RETREG3: variants seen among roughly 807,000 people sequenced by gnomAD.
RETREG3 encodes reticulophagy regulator 3.
In RETREG3, 23 loss-of-function variants were observed where a neutral mutation model predicts 50.2. The observed-to-expected ratio is 0.46, with a 90% CI of 0.33 to 0.65. The LOEUF is 0.65. Among genes scored for constraint, RETREG3 ranks in the 30% least tolerant of loss-of-function variants. The probability of loss-of-function intolerance (pLI) is 0.02; values close to 1 mark genes in which losing one functional copy is unlikely to be tolerated. For synonymous variants in RETREG3, 240 were observed against 234.4 expected, an observed-to-expected ratio of 1.02 and a Z score of -0.22; for missense variants, 546 against 598.0, an observed-to-expected ratio of 0.91 and a Z score of 0.91.
intron 1 of RETREG3, among the ~76,000 whole-genome samples, chr17:42,600,086 A>T (rs1344740365): frequency 6.6e-6 from 1 of 152,104 alleles, no homozygotes; most frequent in Non-Finnish European, 1.5e-5. Context: ...ACAACAAATA[A>T]AACCACACAC....
In RETREG3 at chr17:42,584,051, G is replaced by A. The variant is rs572186132; in HGVS notation, c.728-471C>T. Among the ~76,000 whole-genome samples, 12 of 152,172 alleles carry A rather than the reference G, an allele frequency of 7.9e-5. No homozygotes were observed. The South Asian group carries it at 1.5e-3, about 18-fold the overall frequency. On this transcript the variant is annotated intron_variant, in intron 6 of 8. Transcript: ENST00000309428. The stretch of plus-strand genomic sequence containing the variant: ...TCGAACTCCTGACCTAAGGTGATCC[G>A]CCCACCTCAGCCTCCAAAAGTGCTG...
intron 1 of RETREG3, among the ~76,000 whole-genome samples, chr17:42,597,581 GTATATATATATATATATATA>G (rs1555629775): frequency 2.1e-4 from 9 of 43,524 alleles, no homozygotes; most frequent in African/African-American, 2.7e-4. Context: ...TATTTTGTGT[GTATATATATATATATATATA>G]TATATATATA....
At chr17:42,589,870 C>T (rs1381371122) in intron 2 of RETREG3, among the ~76,000 whole-genome samples, 1 of 152,222 alleles carries the variant, frequency 6.6e-6, no homozygotes, top group Non-Finnish European at 1.5e-5. Context: ...TTCCACTTTT[C>T]CTCCTTCCAT....
chr17:42,588,010 A>G (rs2093124598), intron 2 of RETREG3, 146 bp from the exon 3 acceptor site: 2 of 869,394 alleles, frequency 2.3e-6, no homozygotes, highest in African/African-American at 1.7e-5. Context: ...ACTGTGTTAT[A>G]CTGCCAGTTA....
intron 1 of RETREG3, among the ~76,000 whole-genome samples, chr17:42,603,958 C>A (rs2093162993): frequency 6.7e-6 from 1 of 148,974 alleles, no homozygotes; most frequent in South Asian, 2.1e-4. Flanking sequence ...GCCTGGGCGA[C>A]AGAGCGAGAC....
intron 1 of RETREG3, among the ~76,000 whole-genome samples, chr17:42,603,248 A>C (rs1418359633): frequency 6.6e-6 from 1 of 152,184 alleles, no homozygotes; most frequent in Non-Finnish European, 1.5e-5. Context: ...AGTTTGCTAT[A>C]ATCATAAATA....
chr17:42,609,326 T>C lies in RETREG3; in HGVS notation c.-2A>G. Reference sequence around the variant, plus strand: ...GGGAACCCCTTCGGCCTCAGCCATCTCCCCGCGGCAGCCACAACATCCGGG... The same window carrying C: ...GGGAACCCCTTCGGCCTCAGCCATCCCCCCGCGGCAGCCACAACATCCGGG... On this transcript the variant is annotated 5_prime_UTR_variant, in exon 1 of 9. Transcript: ENST00000309428. 1 of 1,593,886 alleles carries C rather than the reference T, an allele frequency of 6.3e-7. No homozygotes were observed. The highest frequency in any genetic ancestry group is 2.2e-5 in the East Asian group (1 of 44,710).
At chr17:42,608,129 TTTG>T (rs1459641572) in intron 1 of RETREG3, among the ~76,000 whole-genome samples, 2 of 152,194 alleles carry the variant, frequency 1.3e-5, no homozygotes, top group Admixed American at 6.5e-5. Context: ...ACACACATAT[TTTG>T]TTGTTTCAGG....
At chr17:42,587,614 T>C in intron 3 of RETREG3, 1 of 552,754 alleles carries the variant, frequency 1.8e-6, no homozygotes, top group Non-Finnish European at 3.2e-6. Context: ...GGCACTGTAA[T>C]GCTTCTTTTT....
chr17:42,585,093 G>T, intron 6 of RETREG3, 32 bp downstream of exon 6: 1 of 1,605,814 alleles, frequency 6.2e-7, no homozygotes, highest in Non-Finnish European at 8.5e-7. Flanking sequence ...CCCAAATTGC[G>T]TAAGTGGAAA....
chr17:42,599,181 C>T (rs1013295856), intron 1 of RETREG3: 13 of 152,168 alleles, frequency 8.5e-5, no homozygotes, highest in Non-Finnish European at 4.4e-5. Context: ...AGCAAGAAAC[C>T]CTAGAGCTCT....
In RETREG3 at chr17:42,582,748, G is replaced by A. The variant is rs1324280409; in HGVS notation, c.869C>T (p.Ala290Val). Residue 290 changes from alanine to valine, a missense_variant, in exon 8 of 9, where the codon GCT becomes GTT. Transcript: ENST00000309428. ...GCCATTGTCTGTACAGGAGACTTCA[G>A]CGTCTGAGTGCTCAGAGTCTGTGAT... ...LAITDSEHSDAEVSCTDNGTF... is the reference protein window; with the variant it reads ...LAITDSEHSDVEVSCTDNGTF... The A allele has an allele frequency of 1.2e-6, 2 of 1,614,104 alleles. No individual in the cohort carries two copies. Among genetic ancestry groups the A allele is most frequent in the Non-Finnish European group, 1.7e-6 (2 of 1,180,040 alleles).
intron 8 of RETREG3, 42 bp from the exon 9 acceptor site, chr17:42,582,312 G>GC: frequency 6.5e-7 from 1 of 1,539,354 alleles, no homozygotes; most frequent in Non-Finnish European, 8.7e-7. Context: ...CACCTACCTG[G>GC]CCCTCCTGTG....
intron 2 of RETREG3, 43 bp downstream of exon 2, chr17:42,592,013 G>C (rs1209596017): frequency 6.6e-7 from 1 of 1,505,186 alleles, no homozygotes. Flanking sequence ...TTATAGGAAA[G>C]GCCATCTTCA....
At position 42,597,229 on chromosome 17, in the gene RETREG3, G is replaced by T. The variant is rs562694259; in HGVS notation, c.240-5067C>A. On this transcript the variant is annotated intron_variant, in intron 1 of 8. Coordinates refer to ENST00000309428, the MANE Select transcript of RETREG3 (RefSeq NM_178126.4). The stretch of plus-strand genomic sequence containing the variant: ...TTTGAGACGGAGTCTTAGCTCTGTC[G>T]CCAGGCTAGAGTGCAGTGGCGTGAT... 5.9e-5 allele frequency among the ~76,000 whole-genome samples: 8 copies of T among 135,156 alleles called. No homozygotes were observed. The South Asian group carries it at 1.6e-3, about 28-fold the overall frequency. The allele number at this position is 135,156 out of a possible 152,430, so 88.7% of individuals were successfully genotyped here. A position where few individuals can be genotyped will look rare whatever the true frequency, so the allele number is the denominator to read the frequency against.
chr17:42,585,984 T>C, intron 5 of RETREG3, 69 bp downstream of exon 5: 2 of 1,441,870 alleles, frequency 1.4e-6, no homozygotes, highest in Non-Finnish European at 2.0e-6. Flanking sequence ...TCCCCACACC[T>C]AGAGTTAGCC....
At chr17:42,608,488 A>C (rs1397128865) in intron 1 of RETREG3, among the ~76,000 whole-genome samples, 1 of 152,202 alleles carries the variant, frequency 6.6e-6, no homozygotes, top group East Asian at 1.9e-4. Context: ...ACACGCGTGT[A>C]ATCTCCGTCA....
Position 42,609,267 on chromosome 17 carries a change from T to C in RETREG3, c.58A>G (p.Arg20Gly). ...GAGCCTGACACATCTCGGCGGCCCCTGAAAGTCGACCCCGAAGCCGGGCCT... is the reference window on the plus strand; with the variant it reads ...GAGCCTGACACATCTCGGCGGCCCCCGAAAGTCGACCCCGAAGCCGGGCCT... Reference protein sequence around the residue: ...TPGPASGSTFRGRRDVSGSWE... With the variant: ...TPGPASGSTFGGRRDVSGSWE... Residue 20 changes from arginine to glycine, a missense_variant, in exon 1 of 9, where the codon AGG (arginine) becomes GGG (glycine). Physicochemically the swap from Arg to Gly is moderately radical, Grantham distance 125 (BLOSUM62 -2). Coordinates refer to ENST00000309428, the MANE Select transcript of RETREG3 (RefSeq NM_178126.4). 2 of 1,605,452 alleles carry C rather than the reference T, an allele frequency of 1.2e-6. No homozygotes were observed. The highest frequency in any genetic ancestry group is 1.7e-6 in the Non-Finnish European group (2 of 1,179,756).
chr17:42,603,749 G>A (rs528474671), intron 1 of RETREG3, among the ~76,000 whole-genome samples: 28 of 152,280 alleles, frequency 1.8e-4, no homozygotes, highest in African/African-American at 6.0e-4. Context: ...AGACCGAGGC[G>A]GGCGGATCAC....
Sources: allele counts gnomAD v4.1 joint callset (sites outside exome capture counted in the v4.1 genomes callset), GRCh38; gene constraint gnomAD v4.1.1; transcripts MANE v1.5; gene names NCBI Gene and HGNC (gene_info 2026-07-23, HGNC 2026-07-21).